BICD1: variants seen among roughly 807,000 people sequenced by gnomAD.
BICD1 encodes the protein BICD cargo adaptor 1.
A neutral mutation model predicts 92.5 loss-of-function variants in BICD1; 35 were observed. That is an observed-to-expected ratio of 0.38 (90% confidence interval 0.29 to 0.50). BICD1 has a LOEUF of 0.50. BICD1 is among the 20% of genes least tolerant of loss of function. The pLI is 0.93. For synonymous variants in BICD1, 429 were observed against 465.1 expected, an observed-to-expected ratio of 0.92 and a Z score of 1.00; for missense variants, 950 against 1,189.8, an observed-to-expected ratio of 0.80 and a Z score of 2.97.
chr12:32,249,926 T>C (rs1488061360), intron 2 of BICD1, among the ~76,000 whole-genome samples: 1 of 151,376 alleles, frequency 6.6e-6, no homozygotes, highest in Non-Finnish European at 1.5e-5. Flanking sequence ...TCATAAATGC[T>C]TCTGGGGTTG....
chr12:32,179,328 T>C (rs190803396), intron 1 of BICD1, among the ~76,000 whole-genome samples: 9 of 152,104 alleles, frequency 5.9e-5, no homozygotes, highest in Admixed American at 5.9e-4. Flanking sequence ...TCCAAGAATA[T>C]ACTTATATTT....
At chr12:32,309,023 T>C (rs1273809183) in intron 4 of BICD1, among the ~76,000 whole-genome samples, 1 of 152,186 alleles carries the variant, frequency 6.6e-6, no homozygotes, top group Non-Finnish European at 1.5e-5. Context: ...TTAAAAAGCA[T>C]GTCAGCTTTT....
chr12:32,113,936 A>G (rs2121160430), intron 1 of BICD1, among the ~76,000 whole-genome samples: 1 of 151,864 alleles, frequency 6.6e-6, no homozygotes, highest in South Asian at 2.1e-4. Context: ...CAGTGGCGCA[A>G]TCTCGGCTTA....
At chr12:32,274,409 C>G (rs1947225143) in intron 2 of BICD1, among the ~76,000 whole-genome samples, 1 of 152,136 alleles carries the variant, frequency 6.6e-6, no homozygotes, top group South Asian at 2.1e-4. Context: ...AGATATTGCT[C>G]TGTTTCAGTA....
At chr12:32,295,331 G>A (rs1391098243) in intron 3 of BICD1, among the ~76,000 whole-genome samples, 1 of 152,138 alleles carries the variant, frequency 6.6e-6, no homozygotes, top group Non-Finnish European at 1.5e-5. Flanking sequence ...TGAATTGGAT[G>A]TTCGAGTTCT....
intron 2 of BICD1, among the ~76,000 whole-genome samples, chr12:32,275,824 G>T (rs1229571270): frequency 6.6e-6 from 1 of 152,298 alleles, no homozygotes; most frequent in East Asian, 1.9e-4. Context: ...GCCTGGGTTC[G>T]TCCTAATCGA....
chr12:32,303,334 G>T (rs1167642662), intron 3 of BICD1, among the ~76,000 whole-genome samples: 1 of 152,160 alleles, frequency 6.6e-6, no homozygotes, highest in African/African-American at 2.4e-5. Context: ...GGCATTGTTA[G>T]AAACATCTGC....
chr12:32,298,331 G>A (rs1206662866), intron 3 of BICD1, among the ~76,000 whole-genome samples: 3 of 152,104 alleles, frequency 2.0e-5, no homozygotes, highest in Non-Finnish European at 4.4e-5. Flanking sequence ...GGAGGCCGAG[G>A]TGGGCGGATC....
chr12:32,303,650 C>T (rs759056850), intron 3 of BICD1, among the ~76,000 whole-genome samples: 4 of 152,202 alleles, frequency 2.6e-5, no homozygotes, highest in Non-Finnish European at 5.9e-5. Context: ...AATGGCAAGC[C>T]ACCTGAGATA....
intron 1 of BICD1, among the ~76,000 whole-genome samples, chr12:32,149,423 A>G (rs375544759): frequency 1.3e-5 from 2 of 152,258 alleles, no homozygotes; most frequent in South Asian, 2.1e-4. Flanking sequence ...ATATGTTTTC[A>G]TATACATTAT....
chr12:32,216,885 G>T (rs928560304), intron 2 of BICD1, among the ~76,000 whole-genome samples: 1 of 152,190 alleles, frequency 6.6e-6, no homozygotes, highest in African/African-American at 2.4e-5. Context: ...GACAGCCTAG[G>T]CGAGTGTCCT....
intron 2 of BICD1, among the ~76,000 whole-genome samples, chr12:32,279,888 C>T (rs912100099): frequency 3.3e-5 from 5 of 152,142 alleles, no homozygotes; most frequent in Admixed American, 1.3e-4. Context: ...TCACCGGGGT[C>T]GGGAGTTCGA....
rs1425176600 is a variant in BICD1, at chr12:32,337,723, C to G, written c.2477C>G (p.Ser826Ter). The G allele has an allele frequency of 5.0e-6, 8 of 1,614,038 alleles. No individual in the cohort carries two copies. The highest frequency in any genetic ancestry group is 1.7e-5 in the Admixed American group (1 of 59,990). ...IGSPKVSGEA[S>*]VTVPTIDTYL... is the part of the protein sequence containing the mutation. ...AGCCCTAAAGTAAGTGGGGAGGCAT[C>G]AGTCACCGTGCCCACCATAGACACT... is the stretch of plus-strand genomic sequence containing the variant. The change falls in exon 7 of 10, where the codon TCA becomes TGA. Residue 826 changes from serine to a stop codon, truncating the protein, a stop_gained. Transcript: ENST00000652176. LOFTEE classifies it high-confidence loss of function. This position sits in a 1 kb window ranked among gnomAD's most constrained non-coding sequence, Gnocchi z 4.7.
At chr12:32,219,782 G>C (rs1045902990) in intron 2 of BICD1, among the ~76,000 whole-genome samples, 1 of 152,054 alleles carries the variant, frequency 6.6e-6, no homozygotes, top group Non-Finnish European at 1.5e-5. Flanking sequence ...TAAACGTTTT[G>C]ATTAGCCTTA....
intron 7 of BICD1, chr12:32,338,477 C>T (rs1437892989): frequency 2.1e-5 from 5 of 238,510 alleles, no homozygotes; most frequent in East Asian, 1.2e-4. Context: ...AGTTACTTAC[C>T]CTGTATTTTC....
intron 2 of BICD1, among the ~76,000 whole-genome samples, chr12:32,282,709 G>A (rs955981992): frequency 2.0e-5 from 3 of 152,122 alleles, no homozygotes; most frequent in South Asian, 2.1e-4. Flanking sequence ...GAGCAGAGAC[G>A]AGGGGACTGC....
At chr12:32,272,951 A>G (rs1020690846) in intron 2 of BICD1, among the ~76,000 whole-genome samples, 3 of 152,252 alleles carry the variant, frequency 2.0e-5, no homozygotes, top group Admixed American at 2.0e-4. Flanking sequence ...ATTTGGTTTT[A>G]AAAGTCTATC....
At chr12:32,223,280 G>A (rs571451125) in intron 2 of BICD1, among the ~76,000 whole-genome samples, 24 of 152,306 alleles carry the variant, frequency 1.6e-4, no homozygotes, top group Admixed American at 1.3e-3. Flanking sequence ...CACTTTGGGA[G>A]GCCAAGGCAA....
Position 32,158,972 on chromosome 12 carries a change from C to T in BICD1, c.213+51428C>T, listed in dbSNP as rs182985026. 3.7e-3 allele frequency among the ~76,000 whole-genome samples: 560 copies of T among 152,064 alleles called. 3 individuals carry two copies. The highest frequency in any genetic ancestry group is 0.013 in the African/African-American group (526 of 41,476). On this transcript the variant is annotated intron_variant, in intron 1 of 9. Coordinates refer to ENST00000652176, the MANE Select transcript of BICD1 (RefSeq NM_001714.4). ...TTTTTGAGATGGAGTCTCGCTCTGT[C>T]GCCCAGGCTGGAATGCAGTGGCACA...
Sources: allele counts gnomAD v4.1 joint callset (sites outside exome capture counted in the v4.1 genomes callset), GRCh38; gene constraint gnomAD v4.1.1; non-coding constraint Gnocchi (gnomAD v3.1); transcripts MANE v1.5; gene names NCBI Gene and HGNC (gene_info 2026-07-23, HGNC 2026-07-21).